PRKN: variants seen among roughly 807,000 people sequenced by gnomAD.
The protein encoded by PRKN is E3 ubiquitin-protein ligase parkin.
In PRKN, 56 loss-of-function variants were observed where a neutral mutation model predicts 59.5. That is an observed-to-expected ratio of 0.94 (90% CI 0.76 to 1.18). The LOEUF (loss-of-function observed/expected upper bound fraction) is 1.18, where lower values mean the gene tolerates loss of function less well. Ranked by LOEUF, PRKN falls within the 50% of genes most tolerant of loss-of-function variation. The pLI is 0.00. For missense variants in PRKN, 657 were observed against 596.4 expected, an observed-to-expected ratio of 1.10 and a Z score of -1.06; for synonymous variants, 250 against 222.1, an observed-to-expected ratio of 1.13 and a Z score of -1.12.
intron 8 of PRKN, among the ~76,000 whole-genome samples, chr6:161,558,129 G>A (rs1780310825): frequency 6.6e-6 from 1 of 152,138 alleles, no homozygotes; most frequent in Non-Finnish European, 1.5e-5. Flanking sequence ...TGTGGCCTCG[G>A]AGCCACAAAG....
intron 7 of PRKN, among the ~76,000 whole-genome samples, chr6:161,747,746 T>C (rs1036409941): frequency 1.4e-4 from 21 of 152,144 alleles, no homozygotes; most frequent in African/African-American, 4.6e-4. Context: ...TAGCAGGGGA[T>C]TGAGGATTTG....
At chr6:161,649,460 A>C (rs1387356464) in intron 7 of PRKN, among the ~76,000 whole-genome samples, 1 of 152,246 alleles carries the variant, frequency 6.6e-6, no homozygotes, top group Admixed American at 6.5e-5. Flanking sequence ...ATGACTGTAT[A>C]TAAAATAAAA....
intron 9 of PRKN, among the ~76,000 whole-genome samples, chr6:161,438,346 G>A (rs1789027461): frequency 6.6e-6 from 1 of 151,316 alleles, no homozygotes; most frequent in South Asian, 2.1e-4. Context: ...GCCTCCTGAG[G>A]AGCTAGAACT....
chr6:161,634,339 G>T (rs1783435211), intron 7 of PRKN, among the ~76,000 whole-genome samples: 1 of 152,172 alleles, frequency 6.6e-6, no homozygotes, highest in Admixed American at 6.5e-5. Flanking sequence ...GGCTGAGTGG[G>T]ACCTTTCCAT....
Position 162,417,324 on chromosome 6 carries a change from G to A in PRKN, c.171+25986C>T, listed in dbSNP as rs372406772. ...CCATTTATAGCACTCTTGATGCCACGCGTTGACTGTGAGCTAGGGGTCGCT... is the reference window on the plus strand; with the variant it reads ...CCATTTATAGCACTCTTGATGCCACACGTTGACTGTGAGCTAGGGGTCGCT... On this transcript the variant is annotated intron_variant, in intron 2 of 11. Transcript: ENST00000366898. Among the ~76,000 whole-genome samples the A allele has an allele frequency of 9.9e-4, 151 of 152,164 alleles. 2 individuals are homozygous for A. Among genetic ancestry groups the A allele is most frequent in the Non-Finnish European group, 1.9e-3 (131 of 68,004 alleles).
chr6:161,658,025 A>G (rs867273119), intron 7 of PRKN, among the ~76,000 whole-genome samples: 2 of 145,708 alleles, frequency 1.4e-5, no homozygotes, highest in Admixed American at 6.8e-5. Flanking sequence ...CAAAAAAAAA[A>G]AAAAAAAAAG....
chr6:161,702,281 G>A lies in PRKN; in HGVS notation c.871+83491C>T, dbSNP rs565533971. 2.9e-3 allele frequency among the ~76,000 whole-genome samples: 434 copies of A among 152,230 alleles called. 1 individual carries two copies. The highest frequency in any genetic ancestry group is 4.2e-3 in the Non-Finnish European group (289 of 68,008). ...CTTCAAAAATAAATGCAAGGTGGAA[G>A]CAACAAGCCAAGTGTTCACTGATGA... is the stretch of plus-strand genomic sequence containing the variant. On this transcript the variant is annotated intron_variant, in intron 7 of 11. Coordinates refer to ENST00000366898, the MANE Select transcript of PRKN (RefSeq NM_004562.3).
chr6:161,997,988 A>T (rs1191266011), intron 5 of PRKN, among the ~76,000 whole-genome samples: 1 of 152,188 alleles, frequency 6.6e-6, no homozygotes, highest in African/African-American at 2.4e-5. Context: ...TGGGAAAGAC[A>T]GCTGACAGAA....
At chr6:161,962,332 C>G (rs56934321) in intron 6 of PRKN, among the ~76,000 whole-genome samples, 5,000 of 152,168 alleles carry the variant, frequency 0.033, 256 homozygotes, top group African/African-American at 0.11. Context: ...ACTTCTTCCC[C>G]TCACCTAGTT....
At chr6:162,597,285 G>C (rs1781529211) in intron 1 of PRKN, among the ~76,000 whole-genome samples, 1 of 151,976 alleles carries the variant, frequency 6.6e-6, no homozygotes. Context: ...TTTTCTCCTA[G>C]GCCAAACCTG....
At chr6:161,350,864 A>C (rs1394223116) in intron 11 of PRKN, among the ~76,000 whole-genome samples, 11 of 93,480 alleles carry the variant, frequency 1.2e-4, no homozygotes, top group Non-Finnish European at 2.0e-4. Context: ...TATTTAAAAT[A>C]TATATATTTT....
At chr6:162,712,171 TAGAG>T (rs1362022134) in intron 1 of PRKN, among the ~76,000 whole-genome samples, 19 of 152,208 alleles carry the variant, frequency 1.2e-4, no homozygotes, top group Non-Finnish European at 1.2e-4. Flanking sequence ...TGGGGATGGA[TAGAG>T]ACAGTTTTCC....
rs1779912043 is a variant in PRKN at position 161,549,228 on chromosome 6, C to T, written c.934-225G>A. 6.6e-6 allele frequency among the ~76,000 whole-genome samples: 1 copy of T among 152,046 alleles called. No individual in the cohort carries two copies. The stretch of plus-strand genomic sequence containing the variant: ...AGTCTACCAAATTCAACTGGCAAGA[C>T]ATATAAGTGTGTTTACTTTTTGCTT... On this transcript the variant is annotated intron_variant, in intron 8 of 11. Transcript: ENST00000366898. This position sits in a 1 kb window ranked among gnomAD's most constrained non-coding sequence, Gnocchi z 6.0.
chr6:161,724,414 G>A (rs1041960260), intron 7 of PRKN, among the ~76,000 whole-genome samples: 1 of 152,170 alleles, frequency 6.6e-6, no homozygotes, highest in African/African-American at 2.4e-5. Flanking sequence ...TATGGTAAGC[G>A]TTCATACTTT....
intron 4 of PRKN, among the ~76,000 whole-genome samples, chr6:162,060,519 T>A (rs905195842): frequency 6.6e-6 from 1 of 152,168 alleles, no homozygotes; most frequent in African/African-American, 2.4e-5. Context: ...AACATGTGGG[T>A]TTTAAAATTT....
At chr6:161,590,470 C>T (rs956392223) in intron 7 of PRKN, among the ~76,000 whole-genome samples, 5 of 152,114 alleles carry the variant, frequency 3.3e-5, no homozygotes, top group African/African-American at 9.7e-5. Context: ...TGGTGGCGCA[C>T]GCCTGTAATC....
intron 2 of PRKN, among the ~76,000 whole-genome samples, chr6:162,310,099 A>G (rs1000842119): frequency 7.2e-5 from 11 of 152,046 alleles, no homozygotes; most frequent in Non-Finnish European, 1.3e-4. Flanking sequence ...CATTTTCTTT[A>G]TCTAGTCTGT....
At chr6:162,601,646 T>C (rs1003039243) in intron 1 of PRKN, among the ~76,000 whole-genome samples, 37 of 152,202 alleles carry the variant, frequency 2.4e-4, no homozygotes, top group Non-Finnish European at 2.6e-4. Flanking sequence ...TAGGATCTTA[T>C]ATAAAAAACA....
At chr6:162,459,701 T>C (rs1291917766) in intron 1 of PRKN, among the ~76,000 whole-genome samples, 3 of 152,194 alleles carry the variant, frequency 2.0e-5, no homozygotes, top group African/African-American at 7.2e-5. Context: ...TCTGACTACA[T>C]GTAAAATTCT....
Sources: allele counts gnomAD v4.1 joint callset (sites outside exome capture counted in the v4.1 genomes callset), GRCh38; gene constraint gnomAD v4.1.1; non-coding constraint Gnocchi (gnomAD v3.1); transcripts MANE v1.5; gene names NCBI Gene and HGNC (gene_info 2026-07-23, HGNC 2026-07-21).